The following ITPA variants were observed in gnomAD, a reference collection of about 807,000 sequenced individuals.
ITPA encodes inosine triphosphate pyrophosphatase.
Under a neutral mutation model 29.6 loss-of-function variants are expected in ITPA, and 29 were observed. The observed-to-expected ratio is 0.98, with a 90% CI of 0.73 to 1.34. The LOEUF (loss-of-function observed/expected upper bound fraction) is 1.34. Among genes scored for constraint, ITPA ranks in the 40% most tolerant of loss-of-function variants. The pLI, the probability that ITPA is intolerant of heterozygous loss-of-function variation, is 0.00. For synonymous variants in ITPA, 103 were observed against 99.3 expected (o/e 1.04, Z -0.22); for missense variants, 241 against 251.5 (o/e 0.96, Z 0.28).
chr20:3,209,501 A>C lies in ITPA; in HGVS notation c.-51A>C, dbSNP rs1338858915. 6.4e-7 allele frequency: 1 copy of C among 1,552,734 alleles called. No homozygotes were observed. Among genetic ancestry groups the C allele is most frequent in the Non-Finnish European group, 8.9e-7 (1 of 1,125,358 alleles). On this transcript the variant is annotated 5_prime_UTR_variant, in exon 1 of 8. Coordinates refer to ENST00000380113, the MANE Select transcript of ITPA (RefSeq NM_033453.4). This position sits in a 1 kb window ranked among gnomAD's most constrained non-coding sequence, Gnocchi z 4.6. ...CGCCACCAGCCGGAAGTTTTCTGTC[A>C]CTGGACGCCAAGGAGTTTTCGGTGG...
upstream of ITPA, chr20:3,204,807 T>G (rs1011520130): frequency 1.7e-6 from 1 of 584,608 alleles, no homozygotes. Context: ...AAACCCACAA[T>G]GTTAAGAGGA....
Position 3,213,965 on chromosome 20 carries a change from T to C in ITPA, c.190-20T>C. 1 of 1,613,886 alleles carries C rather than the reference T, an allele frequency of 6.2e-7. No homozygotes were observed. On this transcript the variant is annotated intron_variant, in intron 3 of 7. Transcript: ENST00000380113. ...GGATGGTGATCATGGGTCTCAGGGC[T>C]GTATGTCTTTGTGCTGCAGGTACAG...
At chr20:3,211,950 A>C (rs1448035304) in intron 1 of ITPA, among the ~76,000 whole-genome samples, 1 of 152,182 alleles carries the variant, frequency 6.6e-6, no homozygotes, top group Non-Finnish European at 1.5e-5. Flanking sequence ...TGGGAGACTG[A>C]GGCTCAAGGA....
intron 1 of ITPA, among the ~76,000 whole-genome samples, chr20:3,211,095 A>G (rs1211527175): frequency 6.8e-6 from 1 of 146,474 alleles, no homozygotes; most frequent in Non-Finnish European, 1.5e-5. Context: ...GAAGAAGAAG[A>G]AGGCACTAGA....
At chr20:3,211,591 C>T (rs1032125743) in intron 1 of ITPA, among the ~76,000 whole-genome samples, 4 of 152,196 alleles carry the variant, frequency 2.6e-5, no homozygotes, top group Non-Finnish European at 5.9e-5. Flanking sequence ...CTCCTGGGTT[C>T]AAGCAATCCT....
Position 3,209,729 on chromosome 20 carries a change from C to A in ITPA, c.66+112C>A. ...GGAGGCATGGAGAGAGAACAGAATT[C>A]AGCCCGGAAGAATGGGTCCTGACCC... On this transcript the variant is annotated intron_variant, in intron 1 of 7. Transcript: ENST00000380113. The surrounding 1 kb of genome is among the most constrained non-coding windows in gnomAD (Gnocchi z 4.6). 1.1e-6 allele frequency: 1 copy of A among 874,838 alleles called. No homozygotes were observed. The highest frequency in any genetic ancestry group is 1.8e-6 in the Non-Finnish European group (1 of 548,682). The allele number at this position is 874,838 out of a possible 1,614,324, so 54.2% of individuals were successfully genotyped here. A position where few individuals can be genotyped will look rare whatever the true frequency, so the allele number is the denominator to read the frequency against.
intron 1 of ITPA, among the ~76,000 whole-genome samples, chr20:3,211,042 A>G (rs1239810023): frequency 1.4e-5 from 2 of 147,014 alleles, no homozygotes; most frequent in African/African-American, 5.0e-5. Flanking sequence ...GAGTTGAGTG[A>G]CAGAGTGAGA....
At chr20:3,221,989 C>T in intron 7 of ITPA, 72 bp downstream of exon 7, 15 of 1,423,780 alleles carry the variant, frequency 1.1e-5, no homozygotes, top group East Asian at 2.3e-5. Context: ...GCCAGTGCCC[C>T]GCCCAAGTGC....
At chr20:3,223,092 C>T (rs796686097) in intron 7 of ITPA, among the ~76,000 whole-genome samples, 1 of 152,208 alleles carries the variant, frequency 6.6e-6, no homozygotes, top group Admixed American at 6.5e-5. Flanking sequence ...AGCTCATCCC[C>T]CCCTGTCCCC....
chr20:3,221,970 T>C, intron 7 of ITPA, 53 bp downstream of exon 7: 1 of 1,573,494 alleles, frequency 6.4e-7, no homozygotes. Context: ...CAGCCATGGT[T>C]TGGGTTGGGC....
upstream of ITPA, chr20:3,209,467 G>A: frequency 4.6e-6 from 6 of 1,299,124 alleles, no homozygotes; most frequent in East Asian, 9.5e-5. The surrounding 1 kb of genome is among the most constrained non-coding windows in gnomAD (Gnocchi z 4.6). Flanking sequence ...AAACTGAGCC[G>A]TTCACTTCCG....
rs116106310 is a variant in ITPA at position 3,223,502 on chromosome 20, G to A, written c.*40G>A. On this transcript the variant is annotated 3_prime_UTR_variant, in exon 8 of 8. Coordinates refer to ENST00000380113, the MANE Select transcript of ITPA (RefSeq NM_033453.4). ...GGAGGCCCCTCAGGCCGGGGATCTG[G>A]GGAGGGCTAGCCCAAAACCTCCCGC... 1.3e-6 allele frequency: 2 copies of A among 1,528,064 alleles called. No homozygotes were observed. Among genetic ancestry groups the A allele is most frequent in the Non-Finnish European group, 1.8e-6 (2 of 1,113,656 alleles). The allele number at this position is 1,528,064 out of a possible 1,614,324, so 94.7% of individuals were successfully genotyped here.
chr20:3,214,363 CTTTT>C (rs57982806), intron 4 of ITPA, among the ~76,000 whole-genome samples: 4 of 112,908 alleles, frequency 3.5e-5, no homozygotes, highest in East Asian at 2.9e-4. Context: ...TTCTTCCTTT[CTTTT>C]TTTTTTTTTT....
upstream of ITPA, chr20:3,209,337 T>C (rs1406624855): frequency 4.7e-6 from 3 of 639,196 alleles, no homozygotes; most frequent in Admixed American, 2.3e-5. The surrounding 1 kb of genome is among the most constrained non-coding windows in gnomAD (Gnocchi z 4.6). Flanking sequence ...GGTCACTCAG[T>C]CTCCAGGCTC....
In ITPA at chr20:3,214,077, C is replaced by T. The variant is rs755903228; in HGVS notation, c.263+19C>T. ...CCTACATGTGAGTGACTACCTCCACCCCCTTACAGGGCGTCAGGCCCAAAA... is the reference window on the plus strand; with the variant it reads ...CCTACATGTGAGTGACTACCTCCACTCCCTTACAGGGCGTCAGGCCCAAAA... On this transcript the variant is annotated intron_variant, in intron 4 of 7. Coordinates refer to ENST00000380113, the MANE Select transcript of ITPA (RefSeq NM_033453.4). 3.7e-6 allele frequency: 6 copies of T among 1,612,578 alleles called. No homozygotes were observed. The African/African-American group carries it at 8.0e-5, about 22-fold the overall frequency.
chr20:3,208,164 G>C (rs138472182), upstream of ITPA, among the ~76,000 whole-genome samples: 51 of 151,582 alleles, frequency 3.4e-4, no homozygotes, highest in African/African-American at 1.2e-3. Context: ...GTTTTCCTGA[G>C]CTGGGGCTTG....
chr20:3,206,731 T>C (rs1286959408), upstream of ITPA, among the ~76,000 whole-genome samples: 2 of 151,192 alleles, frequency 1.3e-5, no homozygotes, highest in East Asian at 3.9e-4. Context: ...CTTGGGAGGC[T>C]GAGGCAGGAG....
intron 5 of ITPA, among the ~76,000 whole-genome samples, chr20:3,216,749 G>T (rs1162110076): frequency 6.6e-6 from 1 of 151,948 alleles, no homozygotes; most frequent in East Asian, 1.9e-4. Context: ...ACTGAGCCCG[G>T]CTTAATTTTT....
At chr20:3,224,477 A>G (rs1187378949), downstream of ITPA, among the ~76,000 whole-genome samples, 2 of 152,294 alleles carry the variant, frequency 1.3e-5, no homozygotes, top group East Asian at 3.9e-4. Context: ...GCAGCTCTGG[A>G]GAGGCCCCTG....
Sources: allele counts gnomAD v4.1 joint callset (sites outside exome capture counted in the v4.1 genomes callset), GRCh38; gene constraint gnomAD v4.1.1; non-coding constraint Gnocchi (gnomAD v3.1); transcripts MANE v1.5; gene names NCBI Gene and HGNC (gene_info 2026-07-23, HGNC 2026-07-21).